The following C16orf90 variants were observed in gnomAD, a reference collection of about 807,000 sequenced individuals.
C16orf90 encodes uncharacterized protein C16orf90.
In C16orf90, 17 loss-of-function variants were observed where a neutral mutation model predicts 17.1. The observed-to-expected ratio is 1.00, with a 90% CI of 0.68 to 1.49. C16orf90 has a LOEUF of 1.49. Among genes scored for constraint, C16orf90 ranks in the 40% most tolerant of loss-of-function variants. The pLI is 0.00. For synonymous variants in C16orf90, 108 were observed against 95.8 expected, an observed-to-expected ratio of 1.13 and a Z score of -0.75; for missense variants, 255 against 235.5, an observed-to-expected ratio of 1.08 and a Z score of -0.54.
In C16orf90 at chr16:3,494,848, C is replaced by T. The variant is rs372652628; in HGVS notation, c.76G>A (p.Gly26Ser). The change falls in exon 2 of 3, where the codon GGC becomes AGC. Residue 26 changes from glycine (G) to serine (S), a missense_variant. Physicochemically the swap from Gly to Ser is moderately conservative, Grantham distance 56. Coordinates refer to ENST00000437192, the MANE Select transcript of C16orf90 (RefSeq NM_001080524.2). ...ATGTTGGGGGGTGCGTCAGGGTGGC[C>T]GGGGCGTCCTTGGGCCTGGCTCACT... Reference protein sequence around the residue: ...DAVSQAQGRPGHPDAPPNIYE... With the variant: ...DAVSQAQGRPSHPDAPPNIYE... 54 of 1,530,778 alleles carry T rather than the reference C, an allele frequency of 3.5e-5. No individual in the cohort carries two copies. The African/African-American group carries it at 5.6e-4, about 16-fold the overall frequency. 94.8% of individuals were successfully genotyped at this position (1,530,778 alleles called of 1,614,324 possible).
chr16:3,496,637 G>A, upstream of C16orf90: 1 of 533,344 alleles, frequency 1.9e-6, no homozygotes, highest in African/African-American at 1.9e-5. Flanking sequence ...TCTTCGCAAG[G>A]GCCGACAGGT....
At chr16:3,495,697 G>A (rs1466545098), upstream of C16orf90, among the ~76,000 whole-genome samples, 3 of 152,188 alleles carry the variant, frequency 2.0e-5, no homozygotes, top group Non-Finnish European at 2.9e-5. Flanking sequence ...GACAGCTCTG[G>A]CAAACTGGAG....
intron 1 of C16orf90, among the ~76,000 whole-genome samples, chr16:3,495,141 A>C (rs2037289782): frequency 6.6e-6 from 1 of 152,192 alleles, no homozygotes; most frequent in Admixed American, 6.5e-5. Context: ...CAGGACCTCA[A>C]GTCCTTTCTA....
At chr16:3,495,322 GGTGGGGACA>G in intron 1 of C16orf90, 45 bp downstream of exon 1, 1 of 1,565,470 alleles carries the variant, frequency 6.4e-7, no homozygotes. Context: ...TTTGGGCCCA[GGTGGGGACA>G]GAAGCCTATC....
In C16orf90 at chr16:3,495,380, T is replaced by A; in HGVS notation, c.42A>T (p.Arg14Ser). 6.2e-7 allele frequency: 1 copy of A among 1,608,222 alleles called. No homozygotes were observed. Among genetic ancestry groups the A allele is most frequent in the Non-Finnish European group, 8.5e-7 (1 of 1,177,286 alleles). ...LVCAFSELHI[R>S]EDAVSQAQGR... is the part of the protein sequence containing the mutation. Reference sequence around the variant, plus strand: ...CTCCTCCCCACAGCCCGGCACCTTCTCTTATGTGCAGCTCAGAAAATGCAC... The same window carrying A: ...CTCCTCCCCACAGCCCGGCACCTTCACTTATGTGCAGCTCAGAAAATGCAC... The change falls in exon 1 of 3, where the codon AGA becomes AGT. Residue 14 changes from arginine to serine, a missense_variant. Coordinates refer to ENST00000437192, the MANE Select transcript of C16orf90 (RefSeq NM_001080524.2).
chr16:3,495,793 C>G (rs2037300526), upstream of C16orf90, among the ~76,000 whole-genome samples: 1 of 152,038 alleles, frequency 6.6e-6, no homozygotes, highest in African/African-American at 2.4e-5. Context: ...CTAGGAAGAC[C>G]TAGGTCGGTA....
At chr16:3,496,440 C>A, upstream of C16orf90, 2 of 1,007,124 alleles carry the variant, frequency 2.0e-6, no homozygotes, top group Non-Finnish European at 3.0e-6. Flanking sequence ...GAAAACAAAA[C>A]GGCCGTGGTT....
intron 2 of C16orf90, 142 bp from the exon 3 acceptor site, chr16:3,494,129 A>C: frequency 8.6e-6 from 6 of 701,738 alleles, no homozygotes; most frequent in Non-Finnish European, 1.2e-5. Flanking sequence ...CCTTAACAGA[A>C]TCCCCAGGGG....
upstream of C16orf90, chr16:3,496,165 C>A (rs2037306427): frequency 4.3e-6 from 2 of 462,826 alleles, no homozygotes; most frequent in Non-Finnish European, 8.2e-6. Context: ...GTTAAACATT[C>A]ATCTTTCCGG....
rs1316122690 is a variant in C16orf90, at chr16:3,493,671, C to G, written c.*168G>C. ...TCTGCCCCTCCCTCGGAACCTCCTC[C>G]TCCTCCCTCTCCCCATCACATTCTC... On this transcript the variant is annotated 3_prime_UTR_variant, in exon 3 of 3. Coordinates refer to ENST00000437192, the MANE Select transcript of C16orf90 (RefSeq NM_001080524.2). 1 of 546,184 alleles carries G rather than the reference C, an allele frequency of 1.8e-6. No homozygotes were observed. The highest frequency in any genetic ancestry group is 1.9e-5 in the African/African-American group (1 of 53,496). 33.8% of individuals were successfully genotyped at this position (546,184 alleles called of 1,614,324 possible). A position where few individuals can be genotyped will look rare whatever the true frequency, so the allele number is the denominator to read the frequency against.
chr16:3,494,299 C>A (rs1254698010), intron 2 of C16orf90, among the ~76,000 whole-genome samples: 3 of 152,168 alleles, frequency 2.0e-5, no homozygotes, highest in Non-Finnish European at 4.4e-5. Context: ...GCCCTCCCTC[C>A]CAGATCCTCC....
At chr16:3,494,130 T>G in intron 2 of C16orf90, 143 bp from the exon 3 acceptor site, 1 of 702,948 alleles carries the variant, frequency 1.4e-6, no homozygotes, top group Non-Finnish European at 2.3e-6. Context: ...CTTAACAGAA[T>G]CCCCAGGGGA....
rs749852917 is a variant in C16orf90 at position 3,495,449 on chromosome 16, A to T, written c.-28T>A. 250 of 1,605,856 alleles carry T rather than the reference A, an allele frequency of 1.6e-4. 3 individuals carry two copies. The East Asian group carries it at 5.6e-3, about 36-fold the overall frequency. On this transcript the variant is annotated 5_prime_UTR_variant, in exon 1 of 3. It adds an upstream start codon to the 5' untranslated region. Coordinates refer to ENST00000437192, the MANE Select transcript of C16orf90 (RefSeq NM_001080524.2). ...AGGGCCAGTGTGGTGGGGAGGAGCA[A>T]CCAGGACTTGGGTGCAGCAGGGCCC...
chr16:3,493,794 C>G lies in C16orf90; in HGVS notation c.*45G>C, dbSNP rs569937045. On this transcript the variant is annotated 3_prime_UTR_variant, in exon 3 of 3. Transcript: ENST00000437192. ...GCCCCTCCTGCTCAGGCTGCCTCCT[C>G]GGCCATCCTGCCCCTCCTGTACCCA... 1.3e-6 allele frequency: 2 copies of G among 1,542,194 alleles called. No individual in the cohort carries two copies. The highest frequency in any genetic ancestry group is 1.2e-5 in the South Asian group (1 of 84,366).
chr16:3,496,295 C>A, upstream of C16orf90: 1 of 878,632 alleles, frequency 1.1e-6, no homozygotes, highest in East Asian at 3.3e-5. Flanking sequence ...GTTGGTCAAG[C>A]TGTACAGGTT....
upstream of C16orf90, chr16:3,496,548 G>T: frequency 3.6e-6 from 2 of 550,854 alleles, no homozygotes; most frequent in East Asian, 4.8e-5. Flanking sequence ...GGCATCCTCA[G>T]GGTGGGGGCC....
Position 3,494,554 on chromosome 16 carries a change from G to A in C16orf90, c.370C>T (p.Arg124Ter), listed in dbSNP as rs753347972. ...CTTCCCAGGCTGTCCCTGGGCAATC[G>A]GGCTTCCAGAAGGGCTGAACAGAGG... ...NSLCSALLEA[R>*]LPRDSLGSSA... Residue 124 changes from arginine (R) to a stop codon, truncating the protein, a stop_gained, in exon 2 of 3, where the codon CGA becomes TGA. Coordinates refer to ENST00000437192, the MANE Select transcript of C16orf90 (RefSeq NM_001080524.2). LOFTEE classifies it high-confidence loss of function. 15 of 1,612,742 alleles carry A rather than the reference G, an allele frequency of 9.3e-6. No homozygotes were observed. The highest frequency in any genetic ancestry group is 2.2e-5 in the East Asian group (1 of 44,888).
intron 1 of C16orf90, among the ~76,000 whole-genome samples, 174 bp downstream of exon 1, chr16:3,495,198 CAGAG>C (rs759500410): frequency 1.3e-5 from 2 of 152,240 alleles, no homozygotes; most frequent in Non-Finnish European, 2.9e-5. Flanking sequence ...CTGGTCCCCA[CAGAG>C]AAATTGCACA....
In C16orf90 at chr16:3,493,865, G is replaced by A. The variant is rs200770058; in HGVS notation, c.523C>T (p.Arg175Cys). The change falls in exon 3 of 3, where the codon CGC (arginine) becomes TGC (cysteine). Residue 175 changes from arginine (R) to cysteine (C), a missense_variant. Arg to Cys is a radical substitution (Grantham distance 180). Transcript: ENST00000437192. Reference protein sequence around the residue: ...EAMCPLCKRTRSGALERP With the variant: ...EAMCPLCKRTCSGALERP Reference sequence around the variant, plus strand: ...TATGGCCTCTCCAGGGCCCCAGAGCGGGTTCTCTTGCACAAGGGACACATG... The same window carrying A: ...TATGGCCTCTCCAGGGCCCCAGAGCAGGTTCTCTTGCACAAGGGACACATG... 5.5e-3 allele frequency: 8,881 copies of A among 1,605,808 alleles called. 50 individuals carry two copies. The highest frequency in any genetic ancestry group is 7.0e-3 in the Non-Finnish European group (8,210 of 1,176,448).
Sources: allele counts gnomAD v4.1 joint callset (sites outside exome capture counted in the v4.1 genomes callset), GRCh38; gene constraint gnomAD v4.1.1; transcripts MANE v1.5; gene names NCBI Gene and HGNC (gene_info 2026-07-23, HGNC 2026-07-21).